Variants in TEX46 observed in about 807,000 individuals in gnomAD.
TEX46 encodes the protein testis-expressed protein 46.
A neutral mutation model predicts 5.3 loss-of-function variants in TEX46; 6 were observed. The observed-to-expected ratio is 1.13, with a 90% CI of 0.62 to 2.23. The LOEUF is 2.23. TEX46 is among the 30% of genes most tolerant of loss of function. The pLI, the probability that TEX46 is intolerant of heterozygous loss-of-function variation, is 0.00. For synonymous variants in TEX46, 41 were observed against 54.6 expected (o/e 0.75, Z 1.10); for missense variants, 131 against 150.9 (o/e 0.87, Z 0.69).
In TEX46 at chr1:23,015,308, C is replaced by A. The variant is rs568368537; in HGVS notation, c.2+464G>T. 4.6e-5 allele frequency among the ~76,000 whole-genome samples: 7 copies of A among 151,378 alleles called. No individual in the cohort carries two copies. In the East Asian group the frequency reaches 1.4e-3, roughly 30 times the overall value. On this transcript the variant is annotated intron_variant, in intron 1 of 2. Transcript: ENST00000566855. ...AAAATTAGCCAGGCGTGGTTGCGGGCGCCTGTCATCTCAGCTACTCGGGAG... is the reference window on the plus strand; with the variant it reads ...AAAATTAGCCAGGCGTGGTTGCGGGAGCCTGTCATCTCAGCTACTCGGGAG...
chr1:23,012,716 C>T (rs34583328), intron 2 of TEX46, among the ~76,000 whole-genome samples: 15,859 of 152,170 alleles, frequency 0.1, 1,147 homozygotes, highest in Non-Finnish European at 0.16. Context: ...CCGGGGTGGC[C>T]GCTAAGCTAA....
rs868635163 is a variant in TEX46, at chr1:23,011,096, C to T, written c.171G>A (p.Glu57=). The T allele has an allele frequency of 2.0e-6, 3 of 1,535,798 alleles. No homozygotes were observed. Among genetic ancestry groups the T allele is most frequent in the Admixed American group, 3.9e-5 (2 of 50,962 alleles). ...KLTLPEPQQD[E]ILQRLLFSEM... ...CACTGAACAACAGCCGTTGGAGGAT[C>T]TCGTCCTGGAGGGCAAAGCAGGCAT... The change falls in exon 3 of 3, where the codon GAG becomes GAA. Residue 57 remains glutamate (E), a synonymous_variant. Coordinates refer to ENST00000566855, the MANE Select transcript of TEX46 (RefSeq NM_001242521.2).
intron 1 of TEX46, among the ~76,000 whole-genome samples, chr1:23,014,449 T>C (rs1320716034): frequency 6.6e-6 from 1 of 152,210 alleles, no homozygotes; most frequent in African/African-American, 2.4e-5. Context: ...AGCCCATCTA[T>C]TGGTCACCTG....
chr1:23,012,713 G>A (rs1269421300), intron 2 of TEX46, among the ~76,000 whole-genome samples: 3 of 152,170 alleles, frequency 2.0e-5, no homozygotes, highest in African/African-American at 7.2e-5. Context: ...GGGCCGGGGT[G>A]GCCGCTAAGC....
intron 2 of TEX46, among the ~76,000 whole-genome samples, chr1:23,012,792 C>CT (rs1641371427): frequency 6.6e-6 from 1 of 151,980 alleles, no homozygotes; most frequent in Admixed American, 6.6e-5. Context: ...GTCAATAGTG[C>CT]CAAGGTTGAG....
chr1:23,014,588 G>A (rs752913199), intron 1 of TEX46, among the ~76,000 whole-genome samples: 2 of 151,654 alleles, frequency 1.3e-5, no homozygotes, highest in African/African-American at 2.4e-5. Flanking sequence ...AGGTCTCACT[G>A]TGTTGCCCAG....
At chr1:23,014,436 A>G (rs1473057750) in intron 1 of TEX46, among the ~76,000 whole-genome samples, 1 of 152,246 alleles carries the variant, frequency 6.6e-6, no homozygotes, top group Non-Finnish European at 1.5e-5. Context: ...TCACAGTTAT[A>G]CTAGCCCATC....
Position 23,015,840 on chromosome 1 carries a change from G to T in TEX46, c.-67C>A, listed in dbSNP as rs1435591735. The T allele has an allele frequency of 1.5e-6, 1 of 675,812 alleles. No homozygotes were observed. The allele number at this position is 675,812 out of a possible 1,614,324, so 41.9% of individuals were successfully genotyped here. A position where few individuals can be genotyped will look rare whatever the true frequency, so the allele number is the denominator to read the frequency against. On this transcript the variant is annotated 5_prime_UTR_variant, in exon 1 of 3. Coordinates refer to ENST00000566855, the MANE Select transcript of TEX46 (RefSeq NM_001242521.2). Reference sequence around the variant, plus strand: ...AATGGTGGCTGCCAGGGTCTGGAAGGAGGGGCAAATGTAGTCATTGTTTAA... The same window carrying T: ...AATGGTGGCTGCCAGGGTCTGGAAGTAGGGGCAAATGTAGTCATTGTTTAA...
intron 2 of TEX46, among the ~76,000 whole-genome samples, chr1:23,013,413 T>C (rs1247144955): frequency 6.6e-6 from 1 of 152,036 alleles, no homozygotes; most frequent in Non-Finnish European, 1.5e-5. Flanking sequence ...CTTCAAGTGA[T>C]CCACCTGCCT....
Position 23,010,932 on chromosome 1 carries a change from A to G in TEX46, c.335T>C (p.Leu112Pro), listed in dbSNP as rs997684765. Residue 112 changes from leucine (L) to proline (P), a missense_variant, in exon 3 of 3, where the codon CTG (leucine) becomes CCG (proline). By Grantham distance (98) the Leu-to-Pro change is moderately conservative. Coordinates refer to ENST00000566855, the MANE Select transcript of TEX46 (RefSeq NM_001242521.2). ...MRRHESICPT[L>P]SDCTSSSPS The stretch of plus-strand genomic sequence containing the variant: ...GGGGGAACTCGAAGTACAGTCAGAC[A>G]GGGTGGGGCAAATTGACTCATGCCT... 2.0e-6 allele frequency: 3 copies of G among 1,532,718 alleles called. No individual in the cohort carries two copies. Among genetic ancestry groups the G allele is most frequent in the East Asian group, 2.5e-5 (1 of 40,784 alleles). The allele number at this position is 1,532,718 out of a possible 1,614,324, so 94.9% of individuals were successfully genotyped here.
intron 2 of TEX46, chr1:23,011,325 G>A: frequency 2.1e-6 from 1 of 465,326 alleles, no homozygotes. Flanking sequence ...TCTCACAACT[G>A]CCTGCAAGGG....
At chr1:23,011,323 C>A in intron 2 of TEX46, 1 of 472,928 alleles carries the variant, frequency 2.1e-6, no homozygotes, top group Non-Finnish European at 3.8e-6. Context: ...AGTCTCACAA[C>A]TGCCTGCAAG....
intron 2 of TEX46, chr1:23,011,337 A>G: frequency 2.3e-6 from 1 of 438,468 alleles, no homozygotes; most frequent in Non-Finnish European, 4.1e-6. Flanking sequence ...CTGCAAGGGG[A>G]GCATCATTGC....
chr1:23,011,379 G>C (rs1377630002), intron 2 of TEX46, among the ~76,000 whole-genome samples: 8 of 151,526 alleles, frequency 5.3e-5, no homozygotes, highest in Non-Finnish European at 7.4e-5. Context: ...ACCCAGTAAC[G>C]GGAAGTCACT....
In TEX46 at chr1:23,013,903, T is replaced by C; in HGVS notation, c.145A>G (p.Thr49Ala). 6.5e-7 allele frequency: 1 copy of C among 1,535,778 alleles called. No individual in the cohort carries two copies. Among genetic ancestry groups the C allele is most frequent in the Non-Finnish European group, 8.7e-7 (1 of 1,146,804 alleles). Residue 49 changes from threonine (T) to alanine (A), a missense_variant, in exon 2 of 3, where the codon ACC becomes GCC. By Grantham distance (58) the Thr-to-Ala change is moderately conservative (BLOSUM62 0). Coordinates refer to ENST00000566855, the MANE Select transcript of TEX46 (RefSeq NM_001242521.2). The stretch of plus-strand genomic sequence containing the variant: ...CTCACCTGCTGGGGCTCTGGGAGGG[T>C]GAGCTTGTGTTCATACTTGACCAAC... Reference protein sequence around the residue: ...NWLVKYEHKLTLPEPQQDEIL... With the variant: ...NWLVKYEHKLALPEPQQDEIL...
In TEX46 at chr1:23,015,821, G is replaced by A. The variant is rs1450540027; in HGVS notation, c.-48C>T. ...TCATAGAGGCAAAGAGTAGAATGGT[G>A]GCTGCCAGGGTCTGGAAGGAGGGGC... On this transcript the variant is annotated 5_prime_UTR_variant, in exon 1 of 3. Transcript: ENST00000566855. 2.9e-6 allele frequency: 2 copies of A among 690,572 alleles called. No homozygotes were observed. The highest frequency in any genetic ancestry group is 5.3e-6 in the Non-Finnish European group (2 of 379,908). 42.8% of individuals were successfully genotyped at this position (690,572 alleles called of 1,614,324 possible). A position where few individuals can be genotyped will look rare whatever the true frequency, so the allele number is the denominator to read the frequency against.
At chr1:23,013,260 T>A (rs886785442) in intron 2 of TEX46, among the ~76,000 whole-genome samples, 2 of 151,820 alleles carry the variant, frequency 1.3e-5, no homozygotes, top group African/African-American at 4.8e-5. Context: ...GCAACCTCAG[T>A]CCCCTGGGTT....
rs1038716051 is a variant in TEX46, at chr1:23,010,898, T to G, written c.*3A>C. 12 of 1,524,754 alleles carry G rather than the reference T, an allele frequency of 7.9e-6. No homozygotes were observed. The highest frequency in any genetic ancestry group is 1.1e-5 in the Non-Finnish European group (12 of 1,137,400). The allele number at this position is 1,524,754 out of a possible 1,614,324, so 94.5% of individuals were successfully genotyped here. On this transcript the variant is annotated 3_prime_UTR_variant, in exon 3 of 3. Coordinates refer to ENST00000566855, the MANE Select transcript of TEX46 (RefSeq NM_001242521.2). ...CGGCAGAGGCCAGCCCGCCTCGGCC[T>G]CATTAGCTGGGGGAACTCGAAGTAC... is the stretch of plus-strand genomic sequence containing the variant.
intron 2 of TEX46, among the ~76,000 whole-genome samples, chr1:23,012,420 T>A (rs1457244649): frequency 6.7e-6 from 1 of 150,016 alleles, no homozygotes; most frequent in Non-Finnish European, 1.5e-5. Flanking sequence ...AGGTAAATAA[T>A]ACAACAAATA....
Sources: allele counts gnomAD v4.1 joint callset (sites outside exome capture counted in the v4.1 genomes callset), GRCh38; gene constraint gnomAD v4.1.1; transcripts MANE v1.5; gene names NCBI Gene and HGNC (gene_info 2026-07-23, HGNC 2026-07-21).